The following GNA15 variants were observed in gnomAD, a reference collection of about 807,000 sequenced individuals.
GNA15 encodes G protein subunit alpha 15, also known as guanine nucleotide-binding protein subunit alpha-15.
A neutral mutation model predicts 40.1 loss-of-function variants in GNA15; 23 were observed. The observed-to-expected ratio is 0.57, with a 90% CI of 0.41 to 0.81. GNA15 has a LOEUF of 0.81. Among genes scored for constraint, GNA15 ranks in the 40% least tolerant of loss-of-function variants. The pLI is 0.00. For missense variants in GNA15, 522 were observed against 515.8 expected, an observed-to-expected ratio of 1.01 and a Z score of -0.12; for synonymous variants, 226 against 210.4, an observed-to-expected ratio of 1.07 and a Z score of -0.64.
intron 6 of GNA15, among the ~76,000 whole-genome samples, chr19:3,158,701 A>G (rs949288633): frequency 4.0e-5 from 6 of 151,884 alleles, no homozygotes; most frequent in Non-Finnish European, 8.8e-5. Context: ...GGCTCATGGC[A>G]ACCTCCAACT....
intron 4 of GNA15, among the ~76,000 whole-genome samples, chr19:3,154,382 T>C (rs1053639009): frequency 1.1e-4 from 9 of 82,046 alleles, no homozygotes; most frequent in African/African-American, 3.9e-4. Context: ...GATGAATGGA[T>C]GAGTGGATGG....
At chr19:3,145,355 A>AC (rs1555705666) in intron 1 of GNA15, among the ~76,000 whole-genome samples, 5 of 36,372 alleles carry the variant, frequency 1.4e-4, no homozygotes, top group African/African-American at 9.5e-4. Context: ...ATATATATAT[A>AC]TATATTTTTT....
intron 6 of GNA15, among the ~76,000 whole-genome samples, chr19:3,162,317 G>A (rs1296769837): frequency 1.3e-5 from 2 of 151,348 alleles, no homozygotes; most frequent in Non-Finnish European, 2.9e-5. Flanking sequence ...GCAGGCGCCT[G>A]TAATCCCAGC....
chr19:3,157,676 C>T, intron 5 of GNA15, 52 bp from the exon 6 acceptor site: 4 of 1,558,822 alleles, frequency 2.6e-6, no homozygotes, highest in South Asian at 1.1e-5. Flanking sequence ...GGGAGGGTTT[C>T]CTGTCCCACC....
chr19:3,152,260 T>C (rs570930374), intron 4 of GNA15, among the ~76,000 whole-genome samples: 26 of 151,838 alleles, frequency 1.7e-4, no homozygotes, highest in African/African-American at 6.3e-4. Flanking sequence ...AGTGTGAGGC[T>C]GGAAGTCAGG....
intron 2 of GNA15, 169 bp downstream of exon 2, chr19:3,148,944 T>TGGCATAC: frequency 3.2e-6 from 2 of 621,590 alleles, no homozygotes; most frequent in South Asian, 4.0e-5. Flanking sequence ...CCTCCAGACA[T>TGGCATAC]ATGTGCATAC....
intron 1 of GNA15, among the ~76,000 whole-genome samples, chr19:3,144,510 G>A (rs675975): frequency 0.49 from 73,776 of 151,790 alleles, 18,544 homozygotes; most frequent in African/African-American, 0.61. Context: ...TAGTTTGTTT[G>A]TTTATTTATT....
intron 5 of GNA15, among the ~76,000 whole-genome samples, chr19:3,156,554 G>A (rs1281216068): frequency 6.6e-6 from 1 of 152,168 alleles, no homozygotes; most frequent in Non-Finnish European, 1.5e-5. Context: ...GTGCAGTGGC[G>A]CGATCTCGGC....
chr19:3,160,937 C>CTTTTTT (rs149959587), intron 6 of GNA15, among the ~76,000 whole-genome samples: 1 of 101,458 alleles, frequency 9.9e-6, no homozygotes, highest in African/African-American at 4.5e-5. Flanking sequence ...GGTATGACCA[C>CTTTTTT]TTTTTTTTTT....
intron 1 of GNA15, among the ~76,000 whole-genome samples, chr19:3,145,359 A>ATATATATATATATATATTTTTTT: frequency 6.4e-5 from 3 of 46,968 alleles, no homozygotes; most frequent in Non-Finnish European, 7.8e-5. Flanking sequence ...ATATATATAT[A>ATATATATATATATATATTTTTTT]TTTTTTTTTT....
chr19:3,148,818 C>A, intron 2 of GNA15, 43 bp downstream of exon 2: 6 of 1,532,454 alleles, frequency 3.9e-6, no homozygotes, highest in Non-Finnish European at 5.3e-6. Context: ...AGGCAGGGGC[C>A]CAGGGCAGGG....
rs1382167803 is a variant in GNA15, at chr19:3,136,559, A to C, written c.109A>C (p.Lys37Gln). ...EINRILLEQK[K>Q]QDRGELKLLL... ...CAACAGGATCCTCTTGGAGCAGAAG[A>C]AGCAGGACCGCGGGGAGCTGAAGCT... The change falls in exon 1 of 7, where the codon AAG (lysine) becomes CAG (glutamine). Residue 37 changes from lysine to glutamine, a missense_variant. Lys to Gln is a moderately conservative substitution (Grantham distance 53). Transcript: ENST00000262958. The surrounding 1 kb of genome is among the most constrained non-coding windows in gnomAD (Gnocchi z 4.9). 20 of 1,568,062 alleles carry C rather than the reference A, an allele frequency of 1.3e-5. No homozygotes were observed. Among genetic ancestry groups the C allele is most frequent in the Admixed American group, 3.8e-5 (2 of 53,166 alleles).
chr19:3,136,314 G>A lies in GNA15; in HGVS notation c.-137G>A. On this transcript the variant is annotated 5_prime_UTR_variant, in exon 1 of 7. Coordinates refer to ENST00000262958, the MANE Select transcript of GNA15 (RefSeq NM_002068.4). The surrounding 1 kb of genome is among the most constrained non-coding windows in gnomAD (Gnocchi z 4.9). ...AAGGAAGTCTAGGTCCCTGGGGGGT[G>A]ACCCCCAAGGAAAAGGCAGCCTCCC... The A allele has an allele frequency of 2.5e-6, 2 of 814,976 alleles. No homozygotes were observed. Among genetic ancestry groups the A allele is most frequent in the Non-Finnish European group, 3.7e-6 (2 of 535,200 alleles). The allele number at this position is 814,976 out of a possible 1,614,324, so 50.5% of individuals were successfully genotyped here.
chr19:3,136,259 G>A lies in GNA15; in HGVS notation c.-192G>A, dbSNP rs1914455410. On this transcript the variant is annotated 5_prime_UTR_variant, in exon 1 of 7. Coordinates refer to ENST00000262958, the MANE Select transcript of GNA15 (RefSeq NM_002068.4). The surrounding 1 kb of genome is among the most constrained non-coding windows in gnomAD (Gnocchi z 4.9). The stretch of plus-strand genomic sequence containing the variant: ...TTCCCAGCACTCAAGCCTTGCCACC[G>A]CCGAGCCGGGCTTCCTGGGTGTTTC... 2.2e-5 allele frequency: 13 copies of A among 582,250 alleles called. No homozygotes were observed. The highest frequency in any genetic ancestry group is 1.0e-4 in the South Asian group (5 of 48,598). The allele number at this position is 582,250 out of a possible 1,614,324, so 36.1% of individuals were successfully genotyped here. A position where few individuals can be genotyped will look rare whatever the true frequency, so the allele number is the denominator to read the frequency against.
rs1415578396 is a variant in GNA15 at position 3,163,348 on chromosome 19, C to A, written c.*329C>A. On this transcript the variant is annotated 3_prime_UTR_variant, in exon 7 of 7. Coordinates refer to ENST00000262958, the MANE Select transcript of GNA15 (RefSeq NM_002068.4). ...GGTGGGCATCTCTCAGGAGCCCCATCTCCGGGCGTGTCACCTCCTGGGCAG... is the reference window on the plus strand; with the variant it reads ...GGTGGGCATCTCTCAGGAGCCCCATATCCGGGCGTGTCACCTCCTGGGCAG... The A allele has an allele frequency of 1.0e-5, 4 of 381,828 alleles. No homozygotes were observed. The highest frequency in any genetic ancestry group is 1.5e-5 in the Non-Finnish European group (3 of 202,946). The allele number at this position is 381,828 out of a possible 1,614,324, so 23.7% of individuals were successfully genotyped here. A position where few individuals can be genotyped will look rare whatever the true frequency, so the allele number is the denominator to read the frequency against.
chr19:3,152,598 A>G (rs891331083), intron 4 of GNA15, among the ~76,000 whole-genome samples: 1 of 152,110 alleles, frequency 6.6e-6, no homozygotes, highest in Non-Finnish European at 1.5e-5. Context: ...AGCAATGGCC[A>G]ATGTCAAAGG....
intron 5 of GNA15, among the ~76,000 whole-genome samples, chr19:3,156,392 C>G (rs1355810237): frequency 6.6e-6 from 1 of 151,652 alleles, no homozygotes; most frequent in Non-Finnish European, 1.5e-5. Context: ...GCACAATACA[C>G]GCATATGTAC....
At chr19:3,145,350 TATATATA>T (rs1568294466) in intron 1 of GNA15, among the ~76,000 whole-genome samples, 2 of 34,262 alleles carry the variant, frequency 5.8e-5, no homozygotes, top group African/African-American at 4.1e-4. Flanking sequence ...TATATATATA[TATATATA>T]TATTTTTTTT....
At position 3,150,306 on chromosome 19, in the gene GNA15, G is replaced by T. The variant is rs201009470; in HGVS notation, c.485+21G>T. 433 of 1,532,314 alleles carry T rather than the reference G, an allele frequency of 2.8e-4. No individual in the cohort carries two copies. In the African/African-American group the frequency reaches 5.7e-3, roughly 20 times the overall value. The allele number at this position is 1,532,314 out of a possible 1,614,324, so 94.9% of individuals were successfully genotyped here. A position where few individuals can be genotyped will look rare whatever the true frequency, so the allele number is the denominator to read the frequency against. ...GTGTAGTGAGTCTGGGGTCTGCGGG[G>T]GATGGGCGCGTGGGGAGGGGCTGAG... On this transcript the variant is annotated intron_variant, in intron 3 of 6. Transcript: ENST00000262958.
Sources: gnomAD v4.1 joint callset for allele counts (sites outside exome capture counted in the v4.1 genomes callset) on GRCh38, gnomAD v4.1.1 for gene constraint, Gnocchi (gnomAD v3.1) non-coding constraint, MANE v1.5 for transcripts, NCBI Gene and HGNC (gene_info 2026-07-23, HGNC 2026-07-21) for gene names.